Variants in SLC66A2 observed in about 807,000 individuals in gnomAD.
The protein encoded by SLC66A2 is PQ loop repeat containing 1.
Under a neutral mutation model 25.5 loss-of-function variants are expected in SLC66A2, and 23 were observed. The observed-to-expected ratio is 0.90, with a 90% CI of 0.65 to 1.28. The LOEUF is 1.28. SLC66A2 is among the 50% of genes most tolerant of loss of function. The pLI, the probability that SLC66A2 is intolerant of heterozygous loss-of-function variation, is 0.00. For synonymous variants in SLC66A2, 193 were observed against 166.5 expected (o/e 1.16, Z -1.23); for missense variants, 396 against 373.1 (o/e 1.06, Z -0.51).
At chr18:79,930,589 C>T (rs1599604387) in intron 4 of SLC66A2, among the ~76,000 whole-genome samples, 2 of 152,140 alleles carry the variant, frequency 1.3e-5, no homozygotes, top group African/African-American at 4.8e-5. Context: ...TCTTAGTTGA[C>T]TTAAAAAGTA....
In SLC66A2 at chr18:79,918,138, TCACACCTCTGCCCA is replaced by T. The variant is rs1413130093; in HGVS notation, c.608+1032_608+1045del. ...TGAACCTACACACAACCCCCGGCCC[TCACACCTCTGCCCA>T]CACGCCAAACCTGCAAATACTCAGA... is the stretch of plus-strand genomic sequence containing the variant. On this transcript the variant is annotated intron_variant, in intron 5 of 5. Transcript: ENST00000397778. This position sits in a 1 kb window ranked among gnomAD's most constrained non-coding sequence, Gnocchi z 4.0. Among the ~76,000 whole-genome samples, 2 of 151,910 alleles carry T rather than the reference TCACACCTCTGCCCA, an allele frequency of 1.3e-5. No individual in the cohort carries two copies. The highest frequency in any genetic ancestry group is 2.9e-5 in the Non-Finnish European group (2 of 67,972).
At chr18:79,942,808 T>C (rs986366761) in intron 3 of SLC66A2, among the ~76,000 whole-genome samples, 1 of 152,240 alleles carries the variant, frequency 6.6e-6, no homozygotes, top group Non-Finnish European at 1.5e-5. Context: ...TGATTGGTCC[T>C]GCCCAGCTGT....
At chr18:79,931,485 A>T (rs1378653467) in intron 4 of SLC66A2, among the ~76,000 whole-genome samples, 1 of 152,258 alleles carries the variant, frequency 6.6e-6, no homozygotes, top group Non-Finnish European at 1.5e-5. Context: ...GTGCCCCAAA[A>T]TACATCAAAC....
intron 5 of SLC66A2, among the ~76,000 whole-genome samples, chr18:79,910,522 T>C (rs1982954710): frequency 1.3e-5 from 2 of 152,232 alleles, no homozygotes; most frequent in African/African-American, 2.4e-5. Context: ...ACAAGACTTT[T>C]TCTAGTTCAC....
At chr18:79,916,934 C>T (rs1386238524) in intron 5 of SLC66A2, among the ~76,000 whole-genome samples, 4 of 152,254 alleles carry the variant, frequency 2.6e-5, no homozygotes, top group Non-Finnish European at 5.9e-5. Context: ...GTGTGGGTGG[C>T]ATCTGGCGCT....
Position 79,903,818 on chromosome 18 carries a change from C to A in SLC66A2, c.*158G>T. 1 of 612,982 alleles carries A rather than the reference C, an allele frequency of 1.6e-6. No homozygotes were observed. The highest frequency in any genetic ancestry group is 2.2e-5 in the South Asian group (1 of 45,188). The allele number at this position is 612,982 out of a possible 1,614,324, so 38.0% of individuals were successfully genotyped here. On this transcript the variant is annotated 3_prime_UTR_variant, in exon 6 of 6. Coordinates refer to ENST00000397778, the MANE Select transcript of SLC66A2 (RefSeq NM_025078.5). ...AGCGTCCCAGCCCCACCCCCACTGC[C>A]CACCCTGAGACACCCCACAGAGGCT...
chr18:79,903,582 T>G lies in SLC66A2; in HGVS notation c.*394A>C. Reference sequence around the variant, plus strand: ...GGCTCCGCTCACAGGCCTTACAGGGTCTCCTGCGGTCACCCCAGCTTCAAG... The same window carrying G: ...GGCTCCGCTCACAGGCCTTACAGGGGCTCCTGCGGTCACCCCAGCTTCAAG... On this transcript the variant is annotated 3_prime_UTR_variant, in exon 6 of 6. Transcript: ENST00000397778. 2 of 226,832 alleles carry G rather than the reference T, an allele frequency of 8.8e-6. No individual in the cohort carries two copies. The highest frequency in any genetic ancestry group is 1.7e-5 in the Non-Finnish European group (2 of 116,326). 14.1% of individuals were successfully genotyped at this position (226,832 alleles called of 1,614,324 possible).
At chr18:79,930,034 A>T (rs530499506) in intron 4 of SLC66A2, among the ~76,000 whole-genome samples, 3 of 152,278 alleles carry the variant, frequency 2.0e-5, no homozygotes, top group Admixed American at 2.0e-4. Context: ...CAGAAAAAAA[A>T]ATTCAAGGAG....
In SLC66A2 at chr18:79,943,420, G is replaced by A. The variant is rs1221869690; in HGVS notation, c.246C>T (p.Ala82=). Residue 82 remains alanine, a synonymous_variant, in exon 3 of 6, where the codon GCC becomes GCT. Coordinates refer to ENST00000397778, the MANE Select transcript of SLC66A2 (RefSeq NM_025078.5). ...RFESPLLWQS[A]IMILTMLLML... ...TCAGCAGCATGGTCAGGATCATGAT[G>A]GCGCTCTGCCACAGCAGCGGGGACT... The A allele has an allele frequency of 1.2e-6, 2 of 1,614,204 alleles. No individual in the cohort carries two copies. The highest frequency in any genetic ancestry group is 1.3e-5 in the African/African-American group (1 of 75,066).
intron 4 of SLC66A2, among the ~76,000 whole-genome samples, chr18:79,926,660 C>CT (rs5826681): frequency 0.37 from 54,759 of 147,348 alleles, 10,613 homozygotes; most frequent in Middle Eastern, 0.5. Flanking sequence ...GGAAATTGCT[C>CT]TTTTTTTTTT....
At chr18:79,907,439 C>T (rs1982303812) in intron 5 of SLC66A2, among the ~76,000 whole-genome samples, 1 of 150,598 alleles carries the variant, frequency 6.6e-6, no homozygotes, top group African/African-American at 2.4e-5. Context: ...GCAAGCTCCG[C>T]CTCCCCAGTT....
intron 3 of SLC66A2, among the ~76,000 whole-genome samples, chr18:79,943,073 C>G (rs1295824157): frequency 1.3e-5 from 2 of 152,196 alleles, no homozygotes; most frequent in African/African-American, 4.8e-5. Flanking sequence ...CGCTCACAGC[C>G]AAGAGGAACC....
chr18:79,931,875 G>C (rs1458940552), intron 4 of SLC66A2, among the ~76,000 whole-genome samples: 1 of 152,100 alleles, frequency 6.6e-6, no homozygotes, highest in Non-Finnish European at 1.5e-5. Context: ...AAATTGGCCA[G>C]GGACGGTGGC....
intron 5 of SLC66A2, among the ~76,000 whole-genome samples, chr18:79,910,816 G>A (rs530174084): frequency 6.6e-6 from 1 of 152,356 alleles, no homozygotes; most frequent in South Asian, 2.1e-4. Context: ...TGCTTTGACA[G>A]ACAACGTCCC....
In SLC66A2 at chr18:79,933,998, A is replaced by G; in HGVS notation, c.362T>C (p.Val121Ala). The G allele has an allele frequency of 6.2e-6, 10 of 1,612,904 alleles. No homozygotes were observed. Among genetic ancestry groups the G allele is most frequent in the Non-Finnish European group, 8.5e-6 (10 of 1,179,740 alleles). ...GAAGGACCGCCTGGGGGCAACCTTG[A>G]CTTCTTCATCCTTGCTATCTGCAGC... Reference protein sequence around the residue: ...FTAADSKDEEVKVAPRRSFLD... With the variant: ...FTAADSKDEEAKVAPRRSFLD... The change falls in exon 4 of 6, where the codon GTC becomes GCC. Residue 121 changes from valine (V) to alanine (A), a missense_variant. Transcript: ENST00000397778.
chr18:79,914,975 CG>C (rs2123261235), intron 5 of SLC66A2, among the ~76,000 whole-genome samples: 1 of 152,364 alleles, frequency 6.6e-6, no homozygotes, highest in South Asian at 2.1e-4. Context: ...AGGTGAAACG[CG>C]GCGTCAGAGC....
At position 79,950,876 on chromosome 18, in the gene SLC66A2, C is replaced by T. The variant is rs746415827; in HGVS notation, c.51G>A (p.Val17=). ...DWLLVPLHQL[V]SWGAAAAMVF... Reference sequence around the variant, plus strand: ...CCATGGCCGCGGCCGCGCCCCAGGACACCAGCTGGTGCAGTGGCACCAGGA... The same window carrying T: ...CCATGGCCGCGGCCGCGCCCCAGGATACCAGCTGGTGCAGTGGCACCAGGA... Residue 17 remains valine (V), a synonymous_variant, in exon 2 of 6, where the codon GTG becomes GTA. Transcript: ENST00000397778. 1.6e-5 allele frequency: 25 copies of T among 1,605,290 alleles called. No individual in the cohort carries two copies. The highest frequency in any genetic ancestry group is 1.1e-4 in the African/African-American group (8 of 74,658).
At position 79,919,337 on chromosome 18, in the gene SLC66A2, G is replaced by T; in HGVS notation, c.455C>A (p.Ala152Asp). Residue 152 changes from alanine (A) to aspartate (D), a missense_variant, in exon 5 of 6, where the codon GCC (alanine) becomes GAC (aspartate). Transcript: ENST00000397778. ...GATGTAGCCCGCCACGCCCGTGAAG[G>T]CCAGGACGCACTGCACGTAGTCCGA... is the stretch of plus-strand genomic sequence containing the variant. Reference protein sequence around the residue: ...SFSDYVQCVLAFTGVAGYITY... With the variant: ...SFSDYVQCVLDFTGVAGYITY... 1.9e-6 allele frequency: 3 copies of T among 1,613,314 alleles called. No individual in the cohort carries two copies. Among genetic ancestry groups the T allele is most frequent in the Non-Finnish European group, 2.5e-6 (3 of 1,180,030 alleles).
At chr18:79,923,223 G>T (rs1985486035) in intron 4 of SLC66A2, among the ~76,000 whole-genome samples, 1 of 106,004 alleles carries the variant, frequency 9.4e-6, no homozygotes, top group South Asian at 3.9e-4. Flanking sequence ...GACGGTGAGG[G>T]GGTGGATGGG....
Sources: gnomAD v4.1 joint callset for allele counts (sites outside exome capture counted in the v4.1 genomes callset) on GRCh38, gnomAD v4.1.1 for gene constraint, Gnocchi (gnomAD v3.1) non-coding constraint, MANE v1.5 for transcripts, NCBI Gene and HGNC (gene_info 2026-07-23, HGNC 2026-07-21) for gene names.